ST6GALNAC3: variants seen among roughly 807,000 people sequenced by gnomAD.
ST6GALNAC3 encodes the protein ST6 N-acetylgalactosaminide alpha-2,6-sialyltransferase 3.
Under a neutral mutation model 32.7 loss-of-function variants are expected in ST6GALNAC3, and 25 were observed. The observed-to-expected ratio is 0.76, with a 90% confidence interval of 0.56 to 1.07. ST6GALNAC3 has a LOEUF of 1.07. Among genes scored for constraint, ST6GALNAC3 ranks in the 50% least tolerant of loss-of-function variants. ST6GALNAC3 has a pLI of 0.00. For synonymous variants in ST6GALNAC3, 129 were observed against 133.1 expected, an observed-to-expected ratio of 0.97 and a Z score of 0.21; for missense variants, 355 against 382.4, an observed-to-expected ratio of 0.93 and a Z score of 0.60.
In ST6GALNAC3 at chr1:76,074,924, A is replaced by C. The variant is rs762810684; in HGVS notation, c.18+40A>C. The C allele has an allele frequency of 2.5e-6, 4 of 1,576,786 alleles. No individual in the cohort carries two copies. The South Asian group carries it at 4.7e-5, about 18-fold the overall frequency. ...CTGTGGCTCGGACGCGTGGTTGGCC[A>C]GCCCCTTGCTGCTCAGAGGCACGGA... is the stretch of plus-strand genomic sequence containing the variant. On this transcript the variant is annotated intron_variant, in intron 1 of 4. Transcript: ENST00000328299.
At chr1:76,508,675 C>T (rs926215773) in intron 3 of ST6GALNAC3, among the ~76,000 whole-genome samples, 3 of 152,122 alleles carry the variant, frequency 2.0e-5, no homozygotes, top group African/African-American at 7.2e-5. Context: ...CAGCAAGCAC[C>T]AGCCAGGGGC....
chr1:76,266,491 T>G (rs1658534534), intron 1 of ST6GALNAC3, among the ~76,000 whole-genome samples: 1 of 152,222 alleles, frequency 6.6e-6, no homozygotes, highest in Admixed American at 6.5e-5. Context: ...TTTACTGTTC[T>G]TATCATCAGA....
At chr1:76,294,289 ACAAT>A (rs1660264075) in intron 1 of ST6GALNAC3, among the ~76,000 whole-genome samples, 1 of 152,106 alleles carries the variant, frequency 6.6e-6, no homozygotes, top group African/African-American at 2.4e-5. Flanking sequence ...TAGAATGGAA[ACAAT>A]CAATACATTT....
At chr1:76,176,433 T>C (rs1016906793) in intron 1 of ST6GALNAC3, among the ~76,000 whole-genome samples, 18 of 152,220 alleles carry the variant, frequency 1.2e-4, no homozygotes, top group African/African-American at 4.3e-4. Context: ...AATGTGGTTT[T>C]ATGGGTAGTC....
intron 1 of ST6GALNAC3, among the ~76,000 whole-genome samples, chr1:76,194,061 C>T (rs1420278738): frequency 6.6e-6 from 1 of 152,112 alleles, no homozygotes; most frequent in Non-Finnish European, 1.5e-5. Flanking sequence ...CCTAACCACC[C>T]TAATGAAGTA....
chr1:76,551,956 T>C (rs1256736764), intron 3 of ST6GALNAC3, among the ~76,000 whole-genome samples: 1 of 152,130 alleles, frequency 6.6e-6, no homozygotes, highest in Non-Finnish European at 1.5e-5. Context: ...CTGCCAATGG[T>C]TCATGCTTTG....
At chr1:76,344,407 C>CT (rs757270626) in intron 2 of ST6GALNAC3, among the ~76,000 whole-genome samples, 4 of 152,270 alleles carry the variant, frequency 2.6e-5, no homozygotes, top group Admixed American at 1.3e-4. Context: ...ATTTCATATT[C>CT]TTTTTCCCTG....
At chr1:76,170,365 G>A (rs972100434) in intron 1 of ST6GALNAC3, among the ~76,000 whole-genome samples, 6 of 152,204 alleles carry the variant, frequency 3.9e-5, no homozygotes, top group Admixed American at 2.0e-4. Flanking sequence ...TGGACATGGT[G>A]TTGGCTTGGG....
intron 3 of ST6GALNAC3, among the ~76,000 whole-genome samples, chr1:76,618,525 C>T (rs1451575270): frequency 1.3e-5 from 2 of 152,126 alleles, no homozygotes; most frequent in African/African-American, 2.4e-5. Flanking sequence ...AATTATCAAT[C>T]GAAAAATATT....
intron 3 of ST6GALNAC3, among the ~76,000 whole-genome samples, chr1:76,438,557 A>C (rs924194524): frequency 6.6e-6 from 1 of 152,196 alleles, no homozygotes; most frequent in African/African-American, 2.4e-5. Flanking sequence ...GTAGGATAAA[A>C]TCTTTTTATT....
chr1:76,196,547 C>T (rs1654213567), intron 1 of ST6GALNAC3, among the ~76,000 whole-genome samples: 1 of 151,706 alleles, frequency 6.6e-6, no homozygotes, highest in African/African-American at 2.4e-5. Context: ...CTCACTGCAG[C>T]CTCCTCCTCC....
intron 1 of ST6GALNAC3, among the ~76,000 whole-genome samples, chr1:76,212,049 C>T (rs1655197639): frequency 6.6e-6 from 1 of 152,142 alleles, no homozygotes; most frequent in Non-Finnish European, 1.5e-5. Flanking sequence ...ACAATTTTCA[C>T]TTGCCAGACT....
chr1:76,113,145 G>A (rs1226852850), intron 1 of ST6GALNAC3, among the ~76,000 whole-genome samples: 4 of 152,090 alleles, frequency 2.6e-5, no homozygotes, highest in Non-Finnish European at 4.4e-5. Context: ...AGACCAGCCC[G>A]GCCAACACAG....
At chr1:76,272,278 G>A (rs1017595213) in intron 1 of ST6GALNAC3, among the ~76,000 whole-genome samples, 2 of 147,212 alleles carry the variant, frequency 1.4e-5, no homozygotes, top group Non-Finnish European at 3.0e-5. Context: ...AGCCGAGATC[G>A]CGCCACTGCA....
chr1:76,593,074 C>A (rs565767144), intron 3 of ST6GALNAC3, among the ~76,000 whole-genome samples: 21 of 152,100 alleles, frequency 1.4e-4, no homozygotes, highest in Admixed American at 9.2e-4. Flanking sequence ...TTCTAAATAA[C>A]TCCTTGAGAA....
At chr1:76,603,048 C>T (rs957100418) in intron 3 of ST6GALNAC3, among the ~76,000 whole-genome samples, 7 of 152,152 alleles carry the variant, frequency 4.6e-5, no homozygotes, top group African/African-American at 1.7e-4. Context: ...ACTTTACACT[C>T]ACCAGATTGG....
At chr1:76,095,953 T>C (rs998709791) in intron 1 of ST6GALNAC3, among the ~76,000 whole-genome samples, 1 of 152,186 alleles carries the variant, frequency 6.6e-6, no homozygotes, top group African/African-American at 2.4e-5. Flanking sequence ...CATGAACAGC[T>C]GACAGTCATT....
intron 2 of ST6GALNAC3, chr1:76,353,928 G>T: frequency 5.7e-6 from 1 of 173,998 alleles, no homozygotes; most frequent in Non-Finnish European, 1.3e-5. Context: ...CAGTTGGGGT[G>T]AAAGCCCCAG....
chr1:76,230,293 A>G (rs536199151), intron 1 of ST6GALNAC3, among the ~76,000 whole-genome samples: 2 of 152,216 alleles, frequency 1.3e-5, no homozygotes, highest in Admixed American at 1.3e-4. Flanking sequence ...TTGTTATTAT[A>G]TTTGGTTTCT....
Sources: allele counts gnomAD v4.1 joint callset (sites outside exome capture counted in the v4.1 genomes callset), GRCh38; gene constraint gnomAD v4.1.1; transcripts MANE v1.5; gene names NCBI Gene and HGNC (gene_info 2026-07-23, HGNC 2026-07-21).